Variants in GPHN observed in about 807,000 individuals in gnomAD.
The protein encoded by GPHN is gephyrin.
GPHN carries 17 observed loss-of-function variants against 95.5 expected under a neutral mutation model. That is an observed-to-expected ratio of 0.18 (90% CI 0.12 to 0.27). The LOEUF (loss-of-function observed/expected upper bound fraction) is 0.27. Among genes scored for constraint, GPHN ranks in the 10% least tolerant of loss-of-function variants. GPHN has a pLI of 1.00. For synonymous variants in GPHN, 320 were observed against 322.5 expected (o/e 0.99, Z 0.08); for missense variants, 660 against 978.1 (o/e 0.67, Z 4.34).
In GPHN at chr14:66,535,847, A is replaced by G. The variant is rs561105100; in HGVS notation, c.64+27256A>G. ...GCTTATTTTTAATATTTAATATTTT[A>G]TAGATTTTTTGTATTTCCTATGCAA... On this transcript the variant is annotated intron_variant, in intron 1 of 22. Transcript: ENST00000478722. Among the ~76,000 whole-genome samples, 4 of 152,180 alleles carry G rather than the reference A, an allele frequency of 2.6e-5. 1 individual carries two copies. In the East Asian group the frequency reaches 7.7e-4, roughly 29 times the overall value.
intron 20 of GPHN, 134 bp downstream of exon 20, chr14:67,165,360 C>G: frequency 1.5e-6 from 1 of 675,638 alleles, no homozygotes; most frequent in Non-Finnish European, 2.7e-6. Flanking sequence ...CGACCAATCA[C>G]TTAACCTCTC....
chr14:67,578,255 TG>T, the GPHN span: 4 of 1,487,850 alleles, frequency 2.7e-6, no homozygotes, highest in African/African-American at 1.4e-5. This position sits in a 1 kb window ranked among gnomAD's most constrained non-coding sequence, Gnocchi z 5.0. Context: ...GGCTGCCAGG[TG>T]GGAAAGGTGG....
intron 9 of GPHN, among the ~76,000 whole-genome samples, chr14:67,000,746 A>G (rs1484482109): frequency 6.6e-6 from 1 of 151,636 alleles, no homozygotes; most frequent in African/African-American, 2.4e-5. Flanking sequence ...TAAAATTAGT[A>G]TATATCTCTC....
At chr14:67,412,207 A>T in the GPHN span, 1 of 562,116 alleles carries the variant, frequency 1.8e-6, no homozygotes, top group Admixed American at 4.4e-5. Context: ...GCGCGTGTCC[A>T]GAGCCTGAGG....
At chr14:66,801,596 CCT>C (rs148122581) in intron 3 of GPHN, among the ~76,000 whole-genome samples, 2,195 of 141,458 alleles carry the variant, frequency 0.016, 94 homozygotes, top group African/African-American at 0.056. Context: ...TCTCTCTCTC[CCT>C]CTCTCTCTCT....
chr14:67,634,283 T>C, the GPHN span, among the ~76,000 whole-genome samples: 1 of 152,054 alleles, frequency 6.6e-6, no homozygotes. Flanking sequence ...TATCAAACTT[T>C]AACTCTTGCA....
chr14:66,635,002 G>T (rs556684233), intron 1 of GPHN, among the ~76,000 whole-genome samples: 1 of 152,286 alleles, frequency 6.6e-6, no homozygotes, highest in African/African-American at 2.4e-5. Flanking sequence ...TCTCTGATGT[G>T]GTGTCTGCTG....
chr14:66,582,216 TCATAA>T (rs1260664415), intron 1 of GPHN, among the ~76,000 whole-genome samples: 1 of 151,964 alleles, frequency 6.6e-6, no homozygotes, highest in African/African-American at 2.4e-5. Flanking sequence ...AAAATAGAAT[TCATAA>T]CAGAAGGAAT....
At chr14:67,448,749 A>C in the GPHN span, among the ~76,000 whole-genome samples, 1 of 152,198 alleles carries the variant, frequency 6.6e-6, no homozygotes, top group Non-Finnish European at 1.5e-5. Flanking sequence ...TGGAATCCTG[A>C]GTCAGGATTC....
intron 3 of GPHN, among the ~76,000 whole-genome samples, chr14:66,807,692 C>T (rs894286201): frequency 2.6e-5 from 4 of 152,180 alleles, no homozygotes; most frequent in African/African-American, 4.8e-5. Flanking sequence ...ATTATCTTTA[C>T]TTCTTTTGAG....
At chr14:66,696,178 TAAA>T (rs1414165996) in intron 2 of GPHN, among the ~76,000 whole-genome samples, 1 of 152,202 alleles carries the variant, frequency 6.6e-6, no homozygotes, top group Non-Finnish European at 1.5e-5. Context: ...CTTTTTCCTT[TAAA>T]GAAGTTTATG....
At chr14:67,461,062 C>T in the GPHN span, among the ~76,000 whole-genome samples, 4 of 152,088 alleles carry the variant, frequency 2.6e-5, no homozygotes, top group Admixed American at 1.3e-4. Flanking sequence ...AAATGAGGAC[C>T]ATTCTAAAGC....
chr14:67,469,702 G>A, the GPHN span, among the ~76,000 whole-genome samples: 7 of 152,090 alleles, frequency 4.6e-5, no homozygotes, highest in African/African-American at 7.2e-5. Flanking sequence ...TGGAGCAGAG[G>A]TACATAAAGG....
the GPHN span, among the ~76,000 whole-genome samples, chr14:67,577,143 G>A: frequency 1.9e-3 from 290 of 152,274 alleles, no homozygotes; most frequent in Non-Finnish European, 2.9e-3. Context: ...GTGCCCACCT[G>A]TACACCCCAC....
chr14:67,591,966 C>T, the GPHN span: 1 of 151,426 alleles, frequency 6.6e-6, no homozygotes, highest in South Asian at 2.1e-4. Context: ...AATATAATGG[C>T]CTTTGTAGGA....
At chr14:67,577,924 C>A in the GPHN span, 8 of 1,120,226 alleles carry the variant, frequency 7.1e-6, no homozygotes, top group Non-Finnish European at 1.0e-5. Flanking sequence ...TGTCAGTAAA[C>A]TCTAACCTCC....
chr14:66,863,871 G>A (rs993425662), intron 4 of GPHN, among the ~76,000 whole-genome samples: 2 of 152,094 alleles, frequency 1.3e-5, no homozygotes, highest in Non-Finnish European at 2.9e-5. Flanking sequence ...ACCATTACAT[G>A]AAAACATTGA....
the GPHN span, among the ~76,000 whole-genome samples, chr14:67,259,172 G>T: frequency 6.6e-6 from 1 of 151,556 alleles, no homozygotes; most frequent in Admixed American, 6.6e-5. Flanking sequence ...GTCATAAATG[G>T]TACCCTGAAT....
the GPHN span, among the ~76,000 whole-genome samples, chr14:67,644,103 A>G: frequency 3.3e-5 from 5 of 152,158 alleles, no homozygotes; most frequent in Admixed American, 2.6e-4. Flanking sequence ...TCCTGTGGCT[A>G]TCTATATTGC....
Sources: gnomAD v4.1 joint callset for allele counts (sites outside exome capture counted in the v4.1 genomes callset) on GRCh38, gnomAD v4.1.1 for gene constraint, Gnocchi (gnomAD v3.1) non-coding constraint, MANE v1.5 for transcripts, NCBI Gene and HGNC (gene_info 2026-07-23, HGNC 2026-07-21) for gene names.